Variants in APBA1 observed in about 807,000 individuals in gnomAD.
APBA1 encodes the protein amyloid beta precursor protein binding family A member 1.
A neutral mutation model predicts 86.6 loss-of-function variants in APBA1; 55 were observed. The observed-to-expected ratio is 0.64, with a 90% CI of 0.51 to 0.80. The LOEUF is 0.80. Among genes scored for constraint, APBA1 ranks in the 30% least tolerant of loss-of-function variants. The pLI, the probability that APBA1 is intolerant of heterozygous loss-of-function variation, is 0.00. For missense variants in APBA1, 1,090 were observed against 1,183.0 expected (o/e 0.92, Z 1.15); for synonymous variants, 511 against 493.9 (o/e 1.03, Z -0.46).
chr9:69,512,181 A>C (rs1836060072), intron 2 of APBA1, among the ~76,000 whole-genome samples: 10 of 152,224 alleles, frequency 6.6e-5, no homozygotes, highest in Admixed American at 6.5e-4. Flanking sequence ...CTTCTCAGGC[A>C]TATATTTAGA....
chr9:69,553,633 G>A (rs1272705463), intron 1 of APBA1, among the ~76,000 whole-genome samples: 4 of 152,100 alleles, frequency 2.6e-5, no homozygotes, highest in African/African-American at 7.2e-5. Flanking sequence ...TGCACATTTA[G>A]GTCACTTCCA....
At chr9:69,650,286 T>G (rs1823472404) in intron 1 of APBA1, among the ~76,000 whole-genome samples, 1 of 152,240 alleles carries the variant, frequency 6.6e-6, no homozygotes, top group Non-Finnish European at 1.5e-5. Flanking sequence ...GTAGGTTAAG[T>G]GCTTTGAGCA....
At chr9:69,501,509 A>C (rs1835878751) in intron 2 of APBA1, among the ~76,000 whole-genome samples, 1 of 151,874 alleles carries the variant, frequency 6.6e-6, no homozygotes, top group Non-Finnish European at 1.5e-5. Context: ...CGTATCACAG[A>C]AAATATGAGT....
intron 5 of APBA1, chr9:69,465,548 G>A (rs1631780): frequency 0.52 from 79,536 of 152,090 alleles, 22,098 homozygotes; most frequent in African/African-American, 0.71. Context: ...CCTTGGGGAG[G>A]CTTGCTGGCA....
chr9:69,624,548 T>TG (rs1822890343), intron 1 of APBA1, among the ~76,000 whole-genome samples: 1 of 152,196 alleles, frequency 6.6e-6, no homozygotes, highest in African/African-American at 2.4e-5. Flanking sequence ...CCACAGAGCT[T>TG]GGGTGAGGTG....
chr9:69,553,947 T>C (rs1836824767), intron 1 of APBA1, among the ~76,000 whole-genome samples: 2 of 152,302 alleles, frequency 1.3e-5, no homozygotes, highest in South Asian at 2.1e-4. Context: ...AAGGGCTCCA[T>C]TTCCAGGTCT....
At chr9:69,594,620 T>C (rs10156516) in intron 1 of APBA1, among the ~76,000 whole-genome samples, 230 of 152,272 alleles carry the variant, frequency 1.5e-3, no homozygotes, top group African/African-American at 5.5e-3. Flanking sequence ...TATATGATTA[T>C]GATTGGGGAT....
At chr9:69,627,537 T>C (rs1386917990) in intron 1 of APBA1, among the ~76,000 whole-genome samples, 1 of 152,150 alleles carries the variant, frequency 6.6e-6, no homozygotes, top group Non-Finnish European at 1.5e-5. Flanking sequence ...GTGTGTGCCA[T>C]CTGGGTGTCA....
In APBA1 at chr9:69,529,754, G is replaced by C. The variant is rs188436607; in HGVS notation, c.-69-12475C>G. ...ATAATGTTCATCTTCAGATTAAACAGACCACCTATAGAATAGGAGAAAATA... is the reference window on the plus strand; with the variant it reads ...ATAATGTTCATCTTCAGATTAAACACACCACCTATAGAATAGGAGAAAATA... On this transcript the variant is annotated intron_variant, in intron 1 of 12. Transcript: ENST00000265381. 8.3e-4 allele frequency among the ~76,000 whole-genome samples: 126 copies of C among 152,142 alleles called. 1 individual carries two copies. Among genetic ancestry groups the C allele is most frequent in the African/African-American group, 2.9e-3 (120 of 41,520 alleles).
chr9:69,436,137 A>G (rs1041292072), intron 11 of APBA1, among the ~76,000 whole-genome samples: 8 of 149,688 alleles, frequency 5.3e-5, no homozygotes, highest in Non-Finnish European at 7.5e-5. Flanking sequence ...CCATTGGTCT[A>G]TATCTCTGTT....
chr9:69,554,333 A>C lies in APBA1; in HGVS notation c.-69-37054T>G, dbSNP rs564036558. 6.6e-5 allele frequency among the ~76,000 whole-genome samples: 10 copies of C among 152,340 alleles called. No individual in the cohort carries two copies. The South Asian group carries it at 2.1e-3, about 32-fold the overall frequency. ...AGTAAATTAAGGTCATGTACTTAGT[A>C]AGTAACAGACCCAGAACTTGATCCT... On this transcript the variant is annotated intron_variant, in intron 1 of 12. Coordinates refer to ENST00000265381, the MANE Select transcript of APBA1 (RefSeq NM_001163.4).
intron 1 of APBA1, among the ~76,000 whole-genome samples, chr9:69,630,972 G>A (rs988651764): frequency 6.6e-6 from 1 of 152,132 alleles, no homozygotes; most frequent in Non-Finnish European, 1.5e-5. Context: ...TTAACTGAAT[G>A]ACCTTGAGCA....
At chr9:69,502,416 T>C (rs549489635) in intron 2 of APBA1, among the ~76,000 whole-genome samples, 2 of 150,070 alleles carry the variant, frequency 1.3e-5, no homozygotes, top group East Asian at 2.0e-4. Flanking sequence ...TCTCTTTTTG[T>C]TTTTTTTTCC....
intron 5 of APBA1, among the ~76,000 whole-genome samples, chr9:69,459,103 C>T (rs1265856946): frequency 6.6e-6 from 1 of 152,224 alleles, no homozygotes; most frequent in Non-Finnish European, 1.5e-5. Flanking sequence ...CGCGCCTGGC[C>T]TCTAGTTATC....
In APBA1 at chr9:69,516,341, G is replaced by C. The variant is rs112392437; in HGVS notation, c.870C>G (p.Ala290=). The change falls in exon 2 of 13, where the codon GCC becomes GCG. Residue 290 remains alanine (A), a synonymous_variant. Coordinates refer to ENST00000265381, the MANE Select transcript of APBA1 (RefSeq NM_001163.4). This position sits in a 1 kb window ranked among gnomAD's most constrained non-coding sequence, Gnocchi z 7.3. ...CCTGCTCGGCCTCAGGCATGTCCTC[G>C]GCTGCCTTGTCGAGGCTCTGCGAGC... ...SMSSQSLDKA[A]EDMPEAEQDL... 88 of 1,596,930 alleles carry C rather than the reference G, an allele frequency of 5.5e-5. No individual in the cohort carries two copies. In the African/African-American group the frequency reaches 1.0e-3, roughly 18 times the overall value.
intron 1 of APBA1, among the ~76,000 whole-genome samples, chr9:69,518,976 A>C (rs1334670477): frequency 6.6e-6 from 1 of 152,194 alleles, no homozygotes; most frequent in Non-Finnish European, 1.5e-5. Context: ...TCTCGCTAGA[A>C]GAAAAGAATC....
intron 1 of APBA1, among the ~76,000 whole-genome samples, chr9:69,546,689 T>C (rs1023111541): frequency 2.0e-5 from 3 of 152,226 alleles, no homozygotes; most frequent in Non-Finnish European, 4.4e-5. Context: ...AAAAACATCA[T>C]AAACTATGTT....
At chr9:69,568,282 A>G (rs2133945390) in intron 1 of APBA1, among the ~76,000 whole-genome samples, 1 of 152,308 alleles carries the variant, frequency 6.6e-6, no homozygotes, top group South Asian at 2.1e-4. Context: ...GGTTGGGGGC[A>G]CTTCATGAAA....
intron 1 of APBA1, among the ~76,000 whole-genome samples, chr9:69,533,666 C>A (rs975422264): frequency 1.3e-5 from 2 of 152,156 alleles, no homozygotes; most frequent in Non-Finnish European, 1.5e-5. Flanking sequence ...GTAAAAAGGA[C>A]TCTAAGAGTT....
Sources: allele counts gnomAD v4.1 joint callset (sites outside exome capture counted in the v4.1 genomes callset), GRCh38; gene constraint gnomAD v4.1.1; non-coding constraint Gnocchi (gnomAD v3.1); transcripts MANE v1.5; gene names NCBI Gene and HGNC (gene_info 2026-07-23, HGNC 2026-07-21).